The following CDH4 variants were observed in gnomAD, a reference collection of about 807,000 sequenced individuals.
The protein encoded by CDH4 is cadherin-4.
Under a neutral mutation model 86.0 loss-of-function variants are expected in CDH4, and 33 were observed. The ratio of observed to expected loss-of-function variants is 0.38; its 90% CI spans 0.29 to 0.51. The LOEUF is 0.51. Ranked by LOEUF, CDH4 falls within the 20% of genes least tolerant of loss-of-function variation. The pLI is 0.86. For missense variants in CDH4, 1,114 were observed against 1,307.4 expected, an observed-to-expected ratio of 0.85 and a Z score of 2.28; for synonymous variants, 555 against 549.4, an observed-to-expected ratio of 1.01 and a Z score of -0.14.
In CDH4 at chr20:61,308,902, G is replaced by T. The variant is rs117967168; in HGVS notation, c.169+53965G>T. 1.6e-3 allele frequency among the ~76,000 whole-genome samples: 248 copies of T among 152,316 alleles called. 1 individual carries two copies. Among genetic ancestry groups the T allele is most frequent in the Non-Finnish European group, 2.7e-3 (184 of 68,026 alleles). ...GGCTGGGCTATGGGAAGCAGAGCTC[G>T]TAGCCTGTGGTTTGCAGGAGAATTG... On this transcript the variant is annotated intron_variant, in intron 2 of 15. Coordinates refer to ENST00000614565, the MANE Select transcript of CDH4 (RefSeq NM_001794.5).
chr20:61,547,198 C>CTTTT lies in CDH4; in HGVS notation c.170-196343_170-196340dup, dbSNP rs779375514. ...CTCTCACATACTCAGCCCCAGAGCT[C>CTTTT]TTTTTTTTTTTTTTTTTTTTTTTTT... On this transcript the variant is annotated intron_variant, in intron 2 of 15. Transcript: ENST00000614565. Among the ~76,000 whole-genome samples, 84 of 93,642 alleles carry CTTTT rather than the reference C, an allele frequency of 9.0e-4. 1 individual carries two copies. Among genetic ancestry groups the CTTTT allele is most frequent in the South Asian group, 2.1e-3 (5 of 2,378 alleles). The allele number at this position is 93,642 out of a possible 152,430, so 61.4% of individuals were successfully genotyped here. A position where few individuals can be genotyped will look rare whatever the true frequency, so the allele number is the denominator to read the frequency against.
chr20:61,301,502 T>G (rs2084385969), intron 2 of CDH4, among the ~76,000 whole-genome samples: 1 of 152,230 alleles, frequency 6.6e-6, no homozygotes, highest in African/African-American at 2.4e-5. Context: ...GCCTCTTGCC[T>G]TGGTCATATG....
At chr20:61,626,981 T>C (rs1166597051) in intron 2 of CDH4, among the ~76,000 whole-genome samples, 3 of 152,116 alleles carry the variant, frequency 2.0e-5, no homozygotes, top group African/African-American at 7.2e-5. Flanking sequence ...GACCCTACCC[T>C]GGCTCACACG....
intron 2 of CDH4, among the ~76,000 whole-genome samples, chr20:61,336,625 G>C (rs763776667): frequency 6.6e-6 from 1 of 152,212 alleles, no homozygotes; most frequent in Non-Finnish European, 1.5e-5. Context: ...GTGGAAGGAA[G>C]CCAGGGCCTT....
At chr20:61,624,230 G>A (rs569927282) in intron 2 of CDH4, among the ~76,000 whole-genome samples, 6 of 152,202 alleles carry the variant, frequency 3.9e-5, no homozygotes, top group South Asian at 4.1e-4. Context: ...CTCAGGAATC[G>A]GGAAGATACT....
chr20:61,451,687 A>G (rs2145546996), intron 2 of CDH4, among the ~76,000 whole-genome samples: 1 of 152,052 alleles, frequency 6.6e-6, no homozygotes, highest in South Asian at 2.1e-4. Context: ...GAGGGCACTA[A>G]AGAGAGGAGA....
chr20:61,729,401 G>T (rs7266244), intron 2 of CDH4, among the ~76,000 whole-genome samples: 12,017 of 152,170 alleles, frequency 0.079, 960 homozygotes, highest in East Asian at 0.41. Context: ...CCTTCCCTGC[G>T]GCCCCCTCTT....
chr20:61,381,936 CA>C (rs1568821557), intron 2 of CDH4, among the ~76,000 whole-genome samples: 3 of 150,854 alleles, frequency 2.0e-5, no homozygotes, highest in African/African-American at 7.3e-5. Flanking sequence ...ATTAGCCAGG[CA>C]TGGTGGCAGG....
chr20:61,565,092 T>TGGTGGTGG (rs747308048), intron 2 of CDH4, among the ~76,000 whole-genome samples: 651 of 63,686 alleles, frequency 0.01, 9 homozygotes, highest in African/African-American at 0.036. Flanking sequence ...GGTGGTGCTC[T>TGGTGGTGG]TGGTGGTGCT....
intron 2 of CDH4, among the ~76,000 whole-genome samples, chr20:61,697,989 T>C (rs1028468182): frequency 6.6e-6 from 1 of 152,260 alleles, no homozygotes; most frequent in African/African-American, 2.4e-5. Context: ...AGAAGAGGGT[T>C]CTGGCCTGGC....
In CDH4 at chr20:61,703,386, C is replaced by T. The variant is rs927541339; in HGVS notation, c.170-40177C>T. Among the ~76,000 whole-genome samples, 5 of 152,082 alleles carry T rather than the reference C, an allele frequency of 3.3e-5. No individual in the cohort carries two copies. Among genetic ancestry groups the T allele is most frequent in the Middle Eastern group, 3.2e-3 (1 of 316 alleles). The stretch of plus-strand genomic sequence containing the variant: ...AGGATGGACACAGTTGATACTCGAG[C>T]GTGAATGGAGACACTGGCAGCAGGG... On this transcript the variant is annotated intron_variant, in intron 2 of 15. Transcript: ENST00000614565. The surrounding 1 kb of genome is among the most constrained non-coding windows in gnomAD (Gnocchi z 4.3).
chr20:61,465,145 G>A (rs761869345), intron 2 of CDH4, among the ~76,000 whole-genome samples: 16 of 152,204 alleles, frequency 1.1e-4, no homozygotes, highest in Admixed American at 2.6e-4. Context: ...AAGGTATTGT[G>A]TATCTTTCTG....
chr20:61,743,754 G>A lies in CDH4; in HGVS notation c.361G>A (p.Val121Met). 6.2e-7 allele frequency: 1 copy of A among 1,609,496 alleles called. No individual in the cohort carries two copies. The highest frequency in any genetic ancestry group is 8.5e-7 in the Non-Finnish European group (1 of 1,178,308). ...EKWDAVVRLL[V>M]AQTSSPHSGH... ...ATGGGACGCCGTGGTGCGGTTGCTG[G>A]TGGCCCAGACCTCGTCCCCGCACTC... is the stretch of plus-strand genomic sequence containing the variant. The change falls in exon 3 of 16, where the codon GTG (valine) becomes ATG (methionine). Residue 121 changes from valine (V) to methionine (M), a missense_variant. Transcript: ENST00000614565.
intron 2 of CDH4, among the ~76,000 whole-genome samples, chr20:61,326,871 C>T (rs1374167919): frequency 2.0e-5 from 3 of 152,204 alleles, no homozygotes; most frequent in East Asian, 1.9e-4. Context: ...CAGTAATCCT[C>T]AGACTCAGCA....
intron 3 of CDH4, among the ~76,000 whole-genome samples, chr20:61,767,370 G>A (rs533080281): frequency 1.3e-5 from 2 of 152,326 alleles, no homozygotes; most frequent in South Asian, 4.1e-4. Context: ...CCTAACGTGT[G>A]GGACTAGGAA....
chr20:61,827,724 A>G (rs953879870), intron 4 of CDH4, among the ~76,000 whole-genome samples: 1 of 152,226 alleles, frequency 6.6e-6, no homozygotes, highest in African/African-American at 2.4e-5. Context: ...ATTTAATTCT[A>G]GGTAGGAAAT....
intron 3 of CDH4, among the ~76,000 whole-genome samples, chr20:61,746,140 A>G (rs2088411922): frequency 1.3e-5 from 2 of 151,948 alleles, no homozygotes; most frequent in Admixed American, 1.3e-4. Context: ...CGTGAGCCCC[A>G]CCTGTGAGTC....
chr20:61,393,024 A>G lies in CDH4; in HGVS notation c.169+138087A>G, dbSNP rs916819952. 1.3e-5 allele frequency among the ~76,000 whole-genome samples: 2 copies of G among 152,164 alleles called. No homozygotes were observed. Among genetic ancestry groups the G allele is most frequent in the Non-Finnish European group, 2.9e-5 (2 of 68,034 alleles). On this transcript the variant is annotated intron_variant, in intron 2 of 15. Coordinates refer to ENST00000614565, the MANE Select transcript of CDH4 (RefSeq NM_001794.5). The surrounding 1 kb of genome is among the most constrained non-coding windows in gnomAD (Gnocchi z 4.3). ...GCTTGACGGGATAGAAAACGTGAGGACAGAGCAGCTGCGGGGCCCCTCGGT... is the reference window on the plus strand; with the variant it reads ...GCTTGACGGGATAGAAAACGTGAGGGCAGAGCAGCTGCGGGGCCCCTCGGT...
At chr20:61,422,572 G>C (rs1390147365) in intron 2 of CDH4, among the ~76,000 whole-genome samples, 1 of 151,816 alleles carries the variant, frequency 6.6e-6, no homozygotes, top group Non-Finnish European at 1.5e-5. Flanking sequence ...TACTAAGGGT[G>C]CATGCCAGAA....
Sources: allele counts gnomAD v4.1 joint callset (sites outside exome capture counted in the v4.1 genomes callset), GRCh38; gene constraint gnomAD v4.1.1; non-coding constraint Gnocchi (gnomAD v3.1); transcripts MANE v1.5; gene names NCBI Gene and HGNC (gene_info 2026-07-23, HGNC 2026-07-21).